The following LPIN2 variants were observed in gnomAD, a reference collection of about 807,000 sequenced individuals.
The protein encoded by LPIN2 is phosphatidate phosphatase LPIN2.
Under a neutral mutation model 111.4 loss-of-function variants are expected in LPIN2, and 55 were observed. That is an observed-to-expected ratio of 0.49 (90% CI 0.40 to 0.62). The LOEUF is 0.62. LPIN2 is among the 20% of genes least tolerant of loss of function. LPIN2 has a pLI of 0.00. For missense variants in LPIN2, 992 were observed against 1,112.1 expected (o/e 0.89, Z 1.54); for synonymous variants, 425 against 414.0 (o/e 1.03, Z -0.32).
At chr18:2,933,202 T>A (rs553835624) in intron 8 of LPIN2, among the ~76,000 whole-genome samples, 1 of 152,332 alleles carries the variant, frequency 6.6e-6, no homozygotes, top group East Asian at 1.9e-4. Flanking sequence ...AAATAGTTAA[T>A]GAGGTAAGAA....
intron 2 of LPIN2, among the ~76,000 whole-genome samples, chr18:2,958,153 A>AAAAC (rs2077645347): frequency 1.8e-5 from 2 of 112,450 alleles, no homozygotes; most frequent in Non-Finnish European, 3.6e-5. Context: ...AAAAAAAAAA[A>AAAAC]AAAACAACAA....
intron 11 of LPIN2, 64 bp downstream of exon 11, chr18:2,928,527 A>C: frequency 6.9e-7 from 1 of 1,453,534 alleles, no homozygotes; most frequent in Middle Eastern, 1.7e-4. Context: ...GCACATATGG[A>C]TTTGTGTAAG....
At chr18:2,926,673 C>T (rs1231923910) in intron 13 of LPIN2, 50 bp downstream of exon 13, 1 of 1,535,314 alleles carries the variant, frequency 6.5e-7, no homozygotes, top group African/African-American at 1.4e-5. Context: ...AGTAATGGCC[C>T]TGCTAGAGGG....
rs902990686 is a variant in LPIN2 at position 2,919,347 on chromosome 18, T to TC, written c.*945dup. The TC allele has an allele frequency of 4.0e-5, 6 of 151,380 alleles. No homozygotes were observed. The highest frequency in any genetic ancestry group is 2.6e-4 in the Admixed American group (4 of 15,190). The allele number at this position is 151,380 out of a possible 1,614,324, so 9.4% of individuals were successfully genotyped here. On this transcript the variant is annotated 3_prime_UTR_variant, in exon 20 of 20. Coordinates refer to ENST00000677752, the MANE Select transcript of LPIN2 (RefSeq NM_001375808.2). ...GCCTTTAAGCAAGCTTCACTGTGCTTCCCTGACAAATCTGAATCACAGAAT... is the reference window on the plus strand; with the variant it reads ...GCCTTTAAGCAAGCTTCACTGTGCTTCCCCTGACAAATCTGAATCACAGAAT...
chr18:2,929,491 CG>C (rs1568523163), intron 9 of LPIN2, among the ~76,000 whole-genome samples: 1 of 151,974 alleles, frequency 6.6e-6, no homozygotes, highest in East Asian at 1.9e-4. Flanking sequence ...CACACACACA[CG>C]AAAACTGTCG....
intron 4 of LPIN2, among the ~76,000 whole-genome samples, chr18:2,947,832 T>TA (rs1288708166): frequency 2.0e-5 from 3 of 152,222 alleles, no homozygotes; most frequent in Non-Finnish European, 4.4e-5. Context: ...CTTTTTCTCT[T>TA]AGATTTTGAA....
intron 1 of LPIN2, among the ~76,000 whole-genome samples, chr18:3,010,676 CTT>C (rs947119921): frequency 2.0e-5 from 3 of 152,202 alleles, no homozygotes; most frequent in Non-Finnish European, 4.4e-5. Flanking sequence ...AGAAAAGCCT[CTT>C]GATGTAAATT....
At position 2,919,308 on chromosome 18, in the gene LPIN2, C is replaced by T. The variant is rs1183218197; in HGVS notation, c.*985G>A. ...TGTGATCCCAAAAGCCAAAGTCACACACTGCTGGCCAGTGCCTTTAAGCAA... is the reference window on the plus strand; with the variant it reads ...TGTGATCCCAAAAGCCAAAGTCACATACTGCTGGCCAGTGCCTTTAAGCAA... On this transcript the variant is annotated 3_prime_UTR_variant, in exon 20 of 20. Coordinates refer to ENST00000677752, the MANE Select transcript of LPIN2 (RefSeq NM_001375808.2). The T allele has an allele frequency of 6.6e-6, 1 of 151,858 alleles. No homozygotes were observed. Among genetic ancestry groups the T allele is most frequent in the Non-Finnish European group, 1.5e-5 (1 of 67,978 alleles). 9.4% of individuals were successfully genotyped at this position (151,858 alleles called of 1,614,324 possible). A position where few individuals can be genotyped will look rare whatever the true frequency, so the allele number is the denominator to read the frequency against.
rs950519918 is a variant in LPIN2, at chr18:2,920,080, C to T, written c.*213G>A. On this transcript the variant is annotated 3_prime_UTR_variant, in exon 20 of 20. Transcript: ENST00000677752. ...GGGATCCCAGGCCTCCAGCCCCAGG[C>T]CCAGTTCCTCCCTTCTCCTTCCAGG... 3 of 627,506 alleles carry T rather than the reference C, an allele frequency of 4.8e-6. No homozygotes were observed. Among genetic ancestry groups the T allele is most frequent in the Admixed American group, 2.7e-5 (1 of 36,872 alleles). 38.9% of individuals were successfully genotyped at this position (627,506 alleles called of 1,614,324 possible).
At chr18:2,923,984 A>C in intron 15 of LPIN2, 123 bp from the exon 16 acceptor site, 1 of 810,164 alleles carries the variant, frequency 1.2e-6, no homozygotes, top group South Asian at 1.4e-5. Flanking sequence ...AAGGGGATTT[A>C]ATCACAGCTT....
intron 1 of LPIN2, among the ~76,000 whole-genome samples, chr18:2,996,232 C>T (rs1412976730): frequency 2.6e-5 from 4 of 151,734 alleles, no homozygotes; most frequent in Non-Finnish European, 5.9e-5. Flanking sequence ...CCCAGCTACT[C>T]GGGAGGCTGA....
intron 9 of LPIN2, among the ~76,000 whole-genome samples, chr18:2,929,370 C>G (rs978711702): frequency 1.3e-5 from 2 of 152,032 alleles, no homozygotes; most frequent in African/African-American, 4.8e-5. Flanking sequence ...CCACTGTCTC[C>G]CAGTGAAAAC....
chr18:2,973,556 T>C (rs1455984624), intron 1 of LPIN2, among the ~76,000 whole-genome samples: 4 of 152,244 alleles, frequency 2.6e-5, no homozygotes, highest in Admixed American at 6.5e-5. Flanking sequence ...ACTGCATGGA[T>C]GTATCAAATG....
chr18:2,994,533 T>A (rs2078312389), intron 1 of LPIN2, among the ~76,000 whole-genome samples: 1 of 152,244 alleles, frequency 6.6e-6, no homozygotes, highest in Non-Finnish European at 1.5e-5. Flanking sequence ...AATAATATTT[T>A]ATACATGTAT....
intron 1 of LPIN2, among the ~76,000 whole-genome samples, chr18:3,002,719 G>T (rs2078452164): frequency 6.6e-6 from 1 of 152,142 alleles, no homozygotes; most frequent in African/African-American, 2.4e-5. Context: ...GTTTTTCTTT[G>T]AGATAAAAAC....
At chr18:2,987,726 A>G (rs1028926761) in intron 1 of LPIN2, among the ~76,000 whole-genome samples, 4 of 152,176 alleles carry the variant, frequency 2.6e-5, no homozygotes, top group Non-Finnish European at 4.4e-5. Context: ...AATTACTCTT[A>G]GTAATTACTC....
rs770080312 is a variant in LPIN2, at chr18:2,960,733, T to C, written c.108A>G (p.Val36=). ...TLSGCIDVIV[V]QQQDGSYQCS... ...ACTGATAGCTGCCATCCTGCTGCTG[T>C]ACCACGATGACATCAATGCACCCAG... The change falls in exon 2 of 20, where the codon GTA becomes GTG. Residue 36 remains valine (V), a synonymous_variant. Transcript: ENST00000677752. 5.0e-6 allele frequency: 8 copies of C among 1,614,128 alleles called. No homozygotes were observed. In the Admixed American group the frequency reaches 1.3e-4, roughly 27 times the overall value.
At chr18:2,965,487 G>A (rs1264284787) in intron 1 of LPIN2, among the ~76,000 whole-genome samples, 1 of 152,134 alleles carries the variant, frequency 6.6e-6, no homozygotes, top group Non-Finnish European at 1.5e-5. Context: ...CCAGCACTTT[G>A]GGAGGCCGAG....
chr18:2,948,005 A>C lies in LPIN2; in HGVS notation c.590+3050T>G, dbSNP rs893743437. 2.0e-5 allele frequency among the ~76,000 whole-genome samples: 3 copies of C among 152,216 alleles called. No individual in the cohort carries two copies. In the East Asian group the frequency reaches 5.8e-4, roughly 29 times the overall value. ...AGCGATGAAGAGGCTACTGTTCTAC[A>C]ATCTATAATGGGCCCAGTCTGTCTA... On this transcript the variant is annotated intron_variant, in intron 4 of 19. Coordinates refer to ENST00000677752, the MANE Select transcript of LPIN2 (RefSeq NM_001375808.2).
Sources: allele counts gnomAD v4.1 joint callset (sites outside exome capture counted in the v4.1 genomes callset), GRCh38; gene constraint gnomAD v4.1.1; transcripts MANE v1.5; gene names NCBI Gene and HGNC (gene_info 2026-07-23, HGNC 2026-07-21).